Variants in ASCC3 observed in about 807,000 individuals in gnomAD.
The protein encoded by ASCC3 is ASC-1 complex subunit P200.
Under a neutral mutation model 256.3 loss-of-function variants are expected in ASCC3, and 158 were observed. That is an observed-to-expected ratio of 0.62 (90% CI 0.54 to 0.70). The LOEUF is 0.70. Among genes scored for constraint, ASCC3 ranks in the 30% least tolerant of loss-of-function variants. The pLI is 0.00. For synonymous variants in ASCC3, 948 were observed against 883.4 expected, an observed-to-expected ratio of 1.07 and a Z score of -1.30; for missense variants, 2,259 against 2,626.0, an observed-to-expected ratio of 0.86 and a Z score of 3.05.
chr6:100,725,415 A>T (rs1401369422), intron 11 of ASCC3, 124 bp downstream of exon 11: 1 of 1,131,000 alleles, frequency 8.8e-7, no homozygotes, highest in African/African-American at 1.6e-5. Context: ...CCTTTTAAAA[A>T]TATGAAGATT....
intron 16 of ASCC3, among the ~76,000 whole-genome samples, chr6:100,657,975 G>A (rs555483823): frequency 6.6e-6 from 1 of 151,520 alleles, no homozygotes; most frequent in Non-Finnish European, 1.5e-5. Context: ...GTGTGTCTTT[G>A]AAATTTATTC....
chr6:100,642,808 T>G, intron 23 of ASCC3, 59 bp from the exon 24 acceptor site: 1 of 1,408,396 alleles, frequency 7.1e-7, no homozygotes, highest in Non-Finnish European at 1.0e-6. Context: ...AAGGCCTTAT[T>G]AGTCTATTGT....
At chr6:100,864,743 C>A (rs887065064) in intron 2 of ASCC3, among the ~76,000 whole-genome samples, 8 of 152,126 alleles carry the variant, frequency 5.3e-5, no homozygotes, top group African/African-American at 1.9e-4. Context: ...AGATTCTTTT[C>A]TATACACACT....
chr6:100,627,556 G>A, intron 29 of ASCC3, 34 bp downstream of exon 29: 1 of 1,611,350 alleles, frequency 6.2e-7, no homozygotes, highest in Non-Finnish European at 8.5e-7. Context: ...CATAAACAAT[G>A]GTTACTATTT....
chr6:100,585,313 G>A (rs1437631076), intron 36 of ASCC3, among the ~76,000 whole-genome samples: 5 of 151,784 alleles, frequency 3.3e-5, no homozygotes, highest in East Asian at 1.9e-4. Context: ...TTCCCTTCTC[G>A]CTTCATTTCA....
rs1773600578 is a variant in ASCC3, at chr6:100,508,385, T to G, written c.*1001A>C. ...GAATTTCATTCCACTAGAATGCATATTATATGAACATTGAATTTTAACAAG... is the reference window on the plus strand; with the variant it reads ...GAATTTCATTCCACTAGAATGCATAGTATATGAACATTGAATTTTAACAAG... On this transcript the variant is annotated 3_prime_UTR_variant, in exon 42 of 42. Coordinates refer to ENST00000369162, the MANE Select transcript of ASCC3 (RefSeq NM_006828.4). 1 of 152,182 alleles carries G rather than the reference T, an allele frequency of 6.6e-6. No homozygotes were observed. The highest frequency in any genetic ancestry group is 2.1e-4 in the South Asian group (1 of 4,836). The allele number at this position is 152,182 out of a possible 1,614,324, so 9.4% of individuals were successfully genotyped here.
At chr6:100,688,267 TAA>T (rs869148523) in intron 13 of ASCC3, among the ~76,000 whole-genome samples, 4 of 91,928 alleles carry the variant, frequency 4.4e-5, no homozygotes, top group Non-Finnish European at 4.5e-5. Context: ...GTGGAGTTAT[TAA>T]AAAAAAAAAA....
chr6:100,709,209 A>G (rs756918844), intron 13 of ASCC3, among the ~76,000 whole-genome samples: 1 of 152,222 alleles, frequency 6.6e-6, no homozygotes, highest in Non-Finnish European at 1.5e-5. Context: ...ATTTCTGCCA[A>G]AAGTCCATTT....
At chr6:100,820,742 T>C (rs1704395069) in intron 4 of ASCC3, among the ~76,000 whole-genome samples, 1 of 151,662 alleles carries the variant, frequency 6.6e-6, no homozygotes, top group East Asian at 1.9e-4. Context: ...ATCTATCTGA[T>C]AAGGGGTGTG....
intron 10 of ASCC3, among the ~76,000 whole-genome samples, chr6:100,760,214 T>A (rs1781362453): frequency 6.6e-6 from 1 of 152,162 alleles, no homozygotes; most frequent in Admixed American, 6.5e-5. Context: ...AGAGAGGGCA[T>A]CCTTGTCTTG....
intron 4 of ASCC3, among the ~76,000 whole-genome samples, chr6:100,847,122 T>C (rs1772420649): frequency 6.6e-6 from 1 of 152,086 alleles, no homozygotes; most frequent in South Asian, 2.1e-4. Flanking sequence ...CTATAGATAT[T>C]CAGAAGTGAA....
chr6:100,815,876 T>A (rs1046029265), intron 4 of ASCC3, among the ~76,000 whole-genome samples: 1 of 151,908 alleles, frequency 6.6e-6, no homozygotes, highest in Admixed American at 6.6e-5. Context: ...GATTTCATGA[T>A]AAAAATGCCA....
chr6:100,584,616 T>C (rs939892165), intron 36 of ASCC3, among the ~76,000 whole-genome samples: 3 of 152,168 alleles, frequency 2.0e-5, no homozygotes, highest in Non-Finnish European at 4.4e-5. Context: ...GTCAGTTTGA[T>C]CCTGTCATTA....
rs201631788 is a variant in ASCC3 at position 100,798,693 on chromosome 6, C to T, written c.1395+20G>A. Reference sequence around the variant, plus strand: ...ATACCAAGCCTCAAAACTATCAACTCTATAAAAGGCTCATCTCACCTCATC... The same window carrying T: ...ATACCAAGCCTCAAAACTATCAACTTTATAAAAGGCTCATCTCACCTCATC... On this transcript the variant is annotated intron_variant, in intron 8 of 41. Coordinates refer to ENST00000369162, the MANE Select transcript of ASCC3 (RefSeq NM_006828.4). The T allele has an allele frequency of 1.3e-4, 211 of 1,611,228 alleles. 1 individual carries two copies. In the African/African-American group the frequency reaches 2.6e-3, roughly 20 times the overall value.
intron 25 of ASCC3, 58 bp downstream of exon 25, chr6:100,638,543 T>A (rs568994222): frequency 7.1e-7 from 1 of 1,404,764 alleles, no homozygotes; most frequent in South Asian, 1.3e-5. Context: ...AACTGTCTAG[T>A]TTAGAGATTA....
At chr6:100,787,680 C>A (rs566333486) in intron 8 of ASCC3, among the ~76,000 whole-genome samples, 1 of 152,234 alleles carries the variant, frequency 6.6e-6, no homozygotes, top group East Asian at 1.9e-4. Context: ...ATATGATCAA[C>A]TGATTTTTAA....
intron 4 of ASCC3, among the ~76,000 whole-genome samples, chr6:100,810,800 C>T (rs79148523): frequency 0.033 from 5,014 of 152,062 alleles, 127 homozygotes; most frequent in African/African-American, 0.072. Flanking sequence ...TAAGGCCCTC[C>T]TACAACCTCA....
chr6:100,578,703 T>C (rs997107014), intron 36 of ASCC3, among the ~76,000 whole-genome samples: 2 of 152,098 alleles, frequency 1.3e-5, no homozygotes, highest in South Asian at 4.1e-4. Context: ...AACTTTGATA[T>C]TGTGAATAGC....
At chr6:100,776,982 A>C (rs1782222582) in intron 8 of ASCC3, among the ~76,000 whole-genome samples, 1 of 152,062 alleles carries the variant, frequency 6.6e-6, no homozygotes, top group Admixed American at 6.6e-5. Flanking sequence ...AAATTTCAGA[A>C]TTAGTGATGA....
Sources: gnomAD v4.1 joint callset for allele counts (sites outside exome capture counted in the v4.1 genomes callset) on GRCh38, gnomAD v4.1.1 for gene constraint, MANE v1.5 for transcripts, NCBI Gene and HGNC (gene_info 2026-07-23, HGNC 2026-07-21) for gene names.